CCNJL: variants seen among roughly 807,000 people sequenced by gnomAD.
CCNJL encodes cyclin-J-like protein.
CCNJL carries 33 observed loss-of-function variants against 33.4 expected under a neutral mutation model. That is an observed-to-expected ratio of 0.99 (90% confidence interval 0.75 to 1.32). The LOEUF (loss-of-function observed/expected upper bound fraction) is 1.32. Among genes scored for constraint, CCNJL ranks in the 40% most tolerant of loss-of-function variants. The probability of loss-of-function intolerance (pLI) is 0.00; values close to 1 mark genes in which losing one functional copy is unlikely to be tolerated. For synonymous variants in CCNJL, 227 were observed against 220.9 expected (o/e 1.03, Z -0.24); for missense variants, 512 against 499.7 (o/e 1.02, Z -0.23).
At chr5:160,326,667 G>T in intron 1 of CCNJL, 1 of 789,370 alleles carries the variant, frequency 1.3e-6, no homozygotes, top group South Asian at 1.3e-5. Context: ...ATCAGCGGGT[G>T]GGTGTGCTCT....
At chr5:160,281,893 G>T (rs191978478) in intron 2 of CCNJL, among the ~76,000 whole-genome samples, 3 of 152,022 alleles carry the variant, frequency 2.0e-5, no homozygotes, top group African/African-American at 7.2e-5. Context: ...GACCTCAAGC[G>T]ATCCTTCCCA....
rs1025468439 is a variant in CCNJL, at chr5:160,260,383, G to A, written c.281-612C>T. On this transcript the variant is annotated intron_variant, in intron 3 of 5. Coordinates refer to ENST00000257536, the MANE Select transcript of CCNJL (RefSeq NM_001308173.3). ...CAGGAAAGATCGGTAGGTGGGGGAC[G>A]AGAACAGGAAAGGGAAGAAAGCCCA... Among the ~76,000 whole-genome samples the A allele has an allele frequency of 3.9e-5, 6 of 152,252 alleles. No homozygotes were observed. The East Asian group carries it at 5.8e-4, about 15-fold the overall frequency.
intron 1 of CCNJL, among the ~76,000 whole-genome samples, chr5:160,321,284 C>G (rs946757866): frequency 6.6e-6 from 1 of 152,060 alleles, no homozygotes; most frequent in Non-Finnish European, 1.5e-5. Context: ...CTTCAACCCC[C>G]CTGAGCCTGC....
intron 2 of CCNJL, among the ~76,000 whole-genome samples, chr5:160,297,476 T>C (rs1762782806): frequency 2.6e-5 from 4 of 152,082 alleles, no homozygotes; most frequent in Admixed American, 2.0e-4. Flanking sequence ...ATGTCCCTAG[T>C]GATCTGACAA....
chr5:160,292,836 T>C lies in CCNJL; in HGVS notation c.67-12098A>G, dbSNP rs189608729. Among the ~76,000 whole-genome samples, 98 of 152,340 alleles carry C rather than the reference T, an allele frequency of 6.4e-4. 1 individual carries two copies. The highest frequency in any genetic ancestry group is 1.1e-3 in the Non-Finnish European group (76 of 68,032). ...TGGAAGCTTCAAAAATTATAAACTATGCACCTAGCAGTCATTTCAAAGGCA... is the reference window on the plus strand; with the variant it reads ...TGGAAGCTTCAAAAATTATAAACTACGCACCTAGCAGTCATTTCAAAGGCA... On this transcript the variant is annotated intron_variant, in intron 2 of 5. Transcript: ENST00000257536.
chr5:160,293,625 T>C (rs574963772), intron 2 of CCNJL, among the ~76,000 whole-genome samples: 4 of 152,290 alleles, frequency 2.6e-5, no homozygotes, highest in Admixed American at 2.6e-4. Context: ...CTCTCTCTCA[T>C]GGGACTATCT....
At chr5:160,333,414 G>A (rs978359589) in intron 1 of CCNJL, among the ~76,000 whole-genome samples, 4 of 151,760 alleles carry the variant, frequency 2.6e-5, no homozygotes, top group Non-Finnish European at 5.9e-5. Context: ...ATGAGCCACC[G>A]TGCCCAGCCC....
At position 160,299,459 on chromosome 5, in the gene CCNJL, C is replaced by A. The variant is rs146453438; in HGVS notation, c.66+12399G>T. Reference sequence around the variant, plus strand: ...GAGCCACCATGCCCAGCTTAAAAGACGCTAAAAAAAAATGTAATGCATGGA... The same window carrying A: ...GAGCCACCATGCCCAGCTTAAAAGAAGCTAAAAAAAAATGTAATGCATGGA... On this transcript the variant is annotated intron_variant, in intron 2 of 5. Coordinates refer to ENST00000257536, the MANE Select transcript of CCNJL (RefSeq NM_001308173.3). 1.6e-3 allele frequency among the ~76,000 whole-genome samples: 248 copies of A among 151,602 alleles called. 2 individuals carry two copies. The highest frequency in any genetic ancestry group is 5.6e-3 in the African/African-American group (233 of 41,316).
intron 2 of CCNJL, among the ~76,000 whole-genome samples, chr5:160,307,976 T>A (rs73819807): frequency 0.077 from 11,778 of 152,212 alleles, 1,545 homozygotes; most frequent in African/African-American, 0.27. Context: ...GTCTCACTCC[T>A]GGTTCCCAGC....
At chr5:160,277,938 G>A (rs374708718) in intron 3 of CCNJL, among the ~76,000 whole-genome samples, 19 of 151,554 alleles carry the variant, frequency 1.3e-4, no homozygotes, top group South Asian at 2.1e-4. Flanking sequence ...ATGGGGTTTC[G>A]TTCTTGTTGC....
At chr5:160,336,868 T>G (rs1010951288) in intron 1 of CCNJL, among the ~76,000 whole-genome samples, 27 of 152,080 alleles carry the variant, frequency 1.8e-4, no homozygotes, top group African/African-American at 6.3e-4. Flanking sequence ...CTGTTGGCTC[T>G]ATCTCCAAAG....
chr5:160,250,199 T>TA lies in CCNJL; in HGVS notation c.*3178dup, dbSNP rs933101518. The TA allele has an allele frequency of 4.6e-5, 7 of 152,168 alleles. No homozygotes were observed. Among genetic ancestry groups the TA allele is most frequent in the African/African-American group, 1.7e-4 (7 of 41,432 alleles). 9.4% of individuals were successfully genotyped at this position (152,168 alleles called of 1,614,324 possible). ...ACAGTCTCCCCCCGCCCCAAGAGCT[T>TA]AGAACCATCCACCAACTTGACCATC... is the stretch of plus-strand genomic sequence containing the variant. On this transcript the variant is annotated 3_prime_UTR_variant, in exon 6 of 6. Coordinates refer to ENST00000257536, the MANE Select transcript of CCNJL (RefSeq NM_001308173.3).
chr5:160,253,615 A>C lies in CCNJL; in HGVS notation c.927T>G (p.Tyr309Ter). 1 of 1,613,586 alleles carries C rather than the reference A, an allele frequency of 6.2e-7. No individual in the cohort carries two copies. The highest frequency in any genetic ancestry group is 2.2e-5 in the East Asian group (1 of 44,860). The change falls in exon 6 of 6, where the codon TAT becomes TAG. Residue 309 changes from tyrosine (Y) to a stop codon, truncating the protein, a stop_gained. Transcript: ENST00000257536. LOFTEE classifies it high-confidence loss of function. ...AACGGTGGGCCTGCAAGGAGTCCCG[A>C]TAGGCCAAGCATAGGTCCTGCACGG... ...QTPVQDLCLA[Y>*]RDSLQAHRSG...
chr5:160,302,241 G>T (rs1762947758), intron 2 of CCNJL, among the ~76,000 whole-genome samples: 1 of 150,492 alleles, frequency 6.6e-6, no homozygotes, highest in Non-Finnish European at 1.5e-5. Context: ...TTATGCATTG[G>T]ATTGCAGAAG....
rs140707847 is a variant in CCNJL, at chr5:160,327,730, C to G, written n.206+11715G>C. Reference sequence around the variant, plus strand: ...TAAAGCTCCAGAGTAAGGAGAGACGCTAGTAACACCCTCACATTGACTTTG... The same window carrying G: ...TAAAGCTCCAGAGTAAGGAGAGACGGTAGTAACACCCTCACATTGACTTTG... On this transcript the variant is annotated intron_variant and non_coding_transcript_variant, in intron 1 of 7. Transcript: ENST00000377503. Among the ~76,000 whole-genome samples, 733 of 152,316 alleles carry G rather than the reference C, an allele frequency of 4.8e-3. 9 individuals are homozygous for G. Among genetic ancestry groups the G allele is most frequent in the African/African-American group, 0.016 (669 of 41,566 alleles).
intron 3 of CCNJL, among the ~76,000 whole-genome samples, chr5:160,269,907 T>C (rs1227264745): frequency 6.6e-6 from 1 of 152,232 alleles, no homozygotes; most frequent in Non-Finnish European, 1.5e-5. Flanking sequence ...CCTAACTTAC[T>C]GGGCCTCGGA....
chr5:160,273,979 C>T (rs1052503432), intron 3 of CCNJL, among the ~76,000 whole-genome samples: 15 of 151,846 alleles, frequency 9.9e-5, no homozygotes, highest in African/African-American at 3.6e-4. Flanking sequence ...TAGGCAAATT[C>T]GCAAGAACAG....
chr5:160,312,075 C>T, intron 1 of CCNJL, 103 bp from the exon 2 acceptor site: 1 of 725,840 alleles, frequency 1.4e-6, no homozygotes, highest in Non-Finnish European at 2.3e-6. Flanking sequence ...CGGCGGGCGC[C>T]CCCTCCTGCG....
Position 160,252,997 on chromosome 5 carries a change from T to G in CCNJL, c.*381A>C, listed in dbSNP as rs1258318259. On this transcript the variant is annotated 3_prime_UTR_variant, in exon 6 of 6. Coordinates refer to ENST00000257536, the MANE Select transcript of CCNJL (RefSeq NM_001308173.3). The stretch of plus-strand genomic sequence containing the variant: ...TCCTTTTTCAGCGGTGTAGCTGCCA[T>G]CAGCAAAGAATAGAAAAGTCTTTAA... 1 of 166,702 alleles carries G rather than the reference T, an allele frequency of 6.0e-6. No individual in the cohort carries two copies. The highest frequency in any genetic ancestry group is 2.4e-5 in the African/African-American group (1 of 42,014). The allele number at this position is 166,702 out of a possible 1,614,324, so 10.3% of individuals were successfully genotyped here.
Sources: gnomAD v4.1 joint callset for allele counts (sites outside exome capture counted in the v4.1 genomes callset) on GRCh38, gnomAD v4.1.1 for gene constraint, MANE v1.5 for transcripts, NCBI Gene and HGNC (gene_info 2026-07-23, HGNC 2026-07-21) for gene names.